Variants in MVB12A observed in about 807,000 individuals in gnomAD.
MVB12A encodes the protein multivesicular body subunit 12A.
In MVB12A, 30 loss-of-function variants were observed where a neutral mutation model predicts 34.3. The observed-to-expected ratio is 0.88, with a 90% CI of 0.65 to 1.19. MVB12A has a LOEUF of 1.19. MVB12A is among the 50% of genes most tolerant of loss of function. The probability of loss-of-function intolerance (pLI) is 0.00; values close to 1 mark genes in which losing one functional copy is unlikely to be tolerated. For missense variants in MVB12A, 355 were observed against 369.2 expected, an observed-to-expected ratio of 0.96 and a Z score of 0.31; for synonymous variants, 158 against 158.9, an observed-to-expected ratio of 0.99 and a Z score of 0.04.
chr19:17,420,498 G>T (rs774870400), intron 2 of MVB12A, 40 bp from the exon 3 acceptor site: 3 of 1,584,058 alleles, frequency 1.9e-6, no homozygotes, highest in Non-Finnish European at 2.6e-6. Context: ...CGCTGTCCCC[G>T]CTGCTAGCCA....
At position 17,423,555 on chromosome 19, in the gene MVB12A, C is replaced by G; in HGVS notation, c.471C>G (p.Pro157=). Residue 157 remains proline, a synonymous_variant, in exon 5 of 9, where the codon CCC becomes CCG. Transcript: ENST00000317040. ...AGGCCAAGGCCCCGAGGCCAGTGCC[C>G]AAGCCCCGAGGTCTCAGCCGGGACA... ...CKKAKAPRPV[P]KPRGLSRDMQ... 2 of 1,614,056 alleles carry G rather than the reference C, an allele frequency of 1.2e-6. No homozygotes were observed. The highest frequency in any genetic ancestry group is 8.5e-7 in the Non-Finnish European group (1 of 1,180,028).
At chr19:17,409,951 G>A (rs921931713) in intron 2 of MVB12A, among the ~76,000 whole-genome samples, 1 of 151,220 alleles carries the variant, frequency 6.6e-6, no homozygotes. Context: ...TAGAGACGGG[G>A]TTTCACCATG....
Position 17,425,061 on chromosome 19 carries a change from C to T in MVB12A, c.*68C>T. ...CCGCCAGCCTGGGGCCACCCCCCCT[C>T]ACTGCATCCTGGGGCCACCCCCACT... On this transcript the variant is annotated 3_prime_UTR_variant, in exon 9 of 9. Coordinates refer to ENST00000317040, the MANE Select transcript of MVB12A (RefSeq NM_138401.4). The T allele has an allele frequency of 5.3e-6, 3 of 562,088 alleles. No individual in the cohort carries two copies. Among genetic ancestry groups the T allele is most frequent in the Non-Finnish European group, 8.1e-6 (3 of 369,968 alleles). 34.8% of individuals were successfully genotyped at this position (562,088 alleles called of 1,614,324 possible).
At position 17,424,049 on chromosome 19, in the gene MVB12A, C is replaced by T; in HGVS notation, c.684C>T (p.Gly228=). The T allele has an allele frequency of 6.2e-7, 1 of 1,614,150 alleles. No homozygotes were observed. Reference sequence around the variant, plus strand: ...TCACACTCCACCCACGATTTGAGGGCAAGAGCTGCAGCCCCCTGGTGAGTC... The same window carrying T: ...TCACACTCCACCCACGATTTGAGGGTAAGAGCTGCAGCCCCCTGGTGAGTC... ...VPFTLHPRFE[G]KSCSPLAFSA... is the part of the protein sequence containing the mutation. The change falls in exon 7 of 9, where the codon GGC becomes GGT. Residue 228 remains glycine (G), a synonymous_variant. Transcript: ENST00000317040.
At chr19:17,421,023 C>T (rs1436679557) in intron 3 of MVB12A, 2 of 469,790 alleles carry the variant, frequency 4.3e-6, no homozygotes, top group East Asian at 6.6e-5. Flanking sequence ...AGCTCATTCT[C>T]CGTCCTCCGT....
chr19:17,418,442 G>T (rs1448937745), upstream of MVB12A, among the ~76,000 whole-genome samples: 1 of 149,672 alleles, frequency 6.7e-6, no homozygotes, highest in African/African-American at 2.5e-5. Context: ...GCCTAAGCTG[G>T]AGTGCAATGG....
chr19:17,413,837 G>T (rs540039036), intron 2 of MVB12A, among the ~76,000 whole-genome samples: 1 of 152,304 alleles, frequency 6.6e-6, no homozygotes, highest in South Asian at 2.1e-4. Flanking sequence ...TTAGCACTTT[G>T]TACATTACAG....
intron 2 of MVB12A, among the ~76,000 whole-genome samples, chr19:17,413,565 T>C (rs1168533616): frequency 6.6e-6 from 1 of 151,988 alleles, no homozygotes; most frequent in Non-Finnish European, 1.5e-5. Context: ...TGACCTCAGG[T>C]GATCTGCCAC....
chr19:17,410,577 C>CAT (rs1276220661), intron 2 of MVB12A, among the ~76,000 whole-genome samples: 133 of 112,982 alleles, frequency 1.2e-3, no homozygotes, highest in South Asian at 0.011. Context: ...CATATATATA[C>CAT]ATATATATAT....
intron 2 of MVB12A, among the ~76,000 whole-genome samples, chr19:17,406,677 C>T (rs191026429): frequency 5.3e-5 from 8 of 152,236 alleles, no homozygotes; most frequent in Admixed American, 1.3e-4. Context: ...CATGGTGGTA[C>T]ATGCCTGTGG....
At chr19:17,408,228 G>A (rs2145749221) in intron 2 of MVB12A, among the ~76,000 whole-genome samples, 1 of 151,982 alleles carries the variant, frequency 6.6e-6, no homozygotes, top group Admixed American at 6.6e-5. Flanking sequence ...TTGGCACCTG[G>A]GTGGCTTGCC....
At chr19:17,415,653 C>T (rs188202963), upstream of MVB12A, 15 of 152,384 alleles carry the variant, frequency 9.8e-5, no homozygotes, top group East Asian at 2.9e-3. Context: ...TAAATCAAGC[C>T]CCTTCCTCGG....
chr19:17,415,661 C>A (rs1169895495), upstream of MVB12A: 9 of 152,264 alleles, frequency 5.9e-5, no homozygotes, highest in African/African-American at 2.2e-4. Context: ...GCCCCTTCCT[C>A]GGGGCCGAGA....
rs747780762 is a variant in MVB12A, at chr19:17,420,223, G to A, written c.88G>A (p.Ala30Thr). 6.7e-7 allele frequency: 1 copy of A among 1,490,744 alleles called. No individual in the cohort carries two copies. Among genetic ancestry groups the A allele is most frequent in the Non-Finnish European group, 8.9e-7 (1 of 1,126,564 alleles). The allele number at this position is 1,490,744 out of a possible 1,614,324, so 92.3% of individuals were successfully genotyped here. A position where few individuals can be genotyped will look rare whatever the true frequency, so the allele number is the denominator to read the frequency against. ...TGCACCCCCGCCGCGGGGGTTCAGC[G>A]CGGTGAGCGGCGTCGAGGGGCGGGG... is the stretch of plus-strand genomic sequence containing the variant. ...ASAPPPRGFSAISCTVEGAPA... is the reference protein window; with the variant it reads ...ASAPPPRGFSTISCTVEGAPA... Residue 30 changes from alanine (A) to threonine (T), a missense_variant and splice_region_variant, in exon 1 of 9, where the codon GCG becomes ACG. Coordinates refer to ENST00000317040, the MANE Select transcript of MVB12A (RefSeq NM_138401.4).
At chr19:17,413,597 T>C (rs2074782042) in intron 2 of MVB12A, among the ~76,000 whole-genome samples, 1 of 151,544 alleles carries the variant, frequency 6.6e-6, no homozygotes, top group South Asian at 2.1e-4. Flanking sequence ...GGTAGGAGGA[T>C]CCCTTGAGCC....
chr19:17,420,906 C>A (rs2074834761), intron 3 of MVB12A: 1 of 663,256 alleles, frequency 1.5e-6, no homozygotes, highest in Non-Finnish European at 2.8e-6. Context: ...CTACTTGTGT[C>A]TTTTTACACC....
At chr19:17,410,529 T>TACACACACAC (rs1185077317) in intron 2 of MVB12A, among the ~76,000 whole-genome samples, 1 of 74,478 alleles carries the variant, frequency 1.3e-5, no homozygotes, top group African/African-American at 6.6e-5. Context: ...TATATATATA[T>TACACACACAC]ACACACACAC....
At chr19:17,408,925 T>A (rs28839780) in intron 2 of MVB12A, among the ~76,000 whole-genome samples, 5,549 of 144,794 alleles carry the variant, frequency 0.038, 155 homozygotes, top group African/African-American at 0.085. Flanking sequence ...GCCTCCTGGG[T>A]TGAAGCGATT....
chr19:17,421,584 A>T (rs1255603681), intron 3 of MVB12A, among the ~76,000 whole-genome samples: 1 of 152,180 alleles, frequency 6.6e-6, no homozygotes, highest in South Asian at 2.1e-4. Context: ...TGTGTTTTGC[A>T]TATTCAATTT....
Sources: allele counts gnomAD v4.1 joint callset (sites outside exome capture counted in the v4.1 genomes callset), GRCh38; gene constraint gnomAD v4.1.1; transcripts MANE v1.5; gene names NCBI Gene and HGNC (gene_info 2026-07-23, HGNC 2026-07-21).